EPS15L1: variants seen among roughly 807,000 people sequenced by gnomAD.
EPS15L1 encodes epidermal growth factor receptor pathway substrate 15 like 1, also known as epidermal growth factor receptor substrate 15-like 1.
EPS15L1 carries 43 observed loss-of-function variants against 117.1 expected under a neutral mutation model. The observed-to-expected ratio is 0.37, with a 90% CI of 0.29 to 0.47. The LOEUF is 0.47. Ranked by LOEUF, EPS15L1 falls within the 20% of genes least tolerant of loss-of-function variation. The pLI is 0.99. For missense variants in EPS15L1, 981 were observed against 1,164.0 expected (o/e 0.84, Z 2.29); for synonymous variants, 459 against 470.5 (o/e 0.98, Z 0.32).
intron 13 of EPS15L1, among the ~76,000 whole-genome samples, chr19:16,411,449 G>A (rs183993531): frequency 1.3e-5 from 2 of 152,322 alleles, no homozygotes; most frequent in Admixed American, 6.5e-5. Context: ...AGGGCTAGAT[G>A]TTTTTATGGG....
chr19:16,418,173 T>A (rs2092778881), intron 10 of EPS15L1, 69 bp from the exon 11 acceptor site: 1 of 1,512,566 alleles, frequency 6.6e-7, no homozygotes, highest in South Asian at 1.3e-5. Context: ...AAGTCACCGA[T>A]CCCTTGCTTT....
chr19:16,406,452 T>TG (rs1459309541), intron 13 of EPS15L1, among the ~76,000 whole-genome samples: 1 of 152,138 alleles, frequency 6.6e-6, no homozygotes, highest in African/African-American at 2.4e-5. Context: ...AGGTGTCCAG[T>TG]GGGGGGCACA....
In EPS15L1 at chr19:16,381,619, G is replaced by A. The variant is rs545080795; in HGVS notation, c.2247+3510C>T. Among the ~76,000 whole-genome samples, 12 of 152,346 alleles carry A rather than the reference G, an allele frequency of 7.9e-5. No homozygotes were observed. The highest frequency in any genetic ancestry group is 2.4e-4 in the African/African-American group (10 of 41,578). On this transcript the variant is annotated intron_variant, in intron 21 of 23. Transcript: ENST00000455140. The surrounding 1 kb of genome is among the most constrained non-coding windows in gnomAD (Gnocchi z 4.2). ...ACACGACAATGATCACACCAAGTAC[G>A]AAGCTGCGATTGGAATCTGGGAGTG...
intron 9 of EPS15L1, 48 bp from the exon 10 acceptor site, chr19:16,421,524 C>T (rs749829046): frequency 1.9e-6 from 3 of 1,569,364 alleles, no homozygotes; most frequent in Admixed American, 3.5e-5. Context: ...TTTTTATGAC[C>T]CCCAGACACA....
intron 22 of EPS15L1, among the ~76,000 whole-genome samples, chr19:16,363,986 G>T (rs1450793879): frequency 6.6e-6 from 1 of 152,224 alleles, no homozygotes; most frequent in East Asian, 1.9e-4. Flanking sequence ...GTCCCACAGG[G>T]TTCCACCGGG....
In EPS15L1 at chr19:16,405,460, A is replaced by C. The variant is rs761196301; in HGVS notation, c.1267-711T>G. Among the ~76,000 whole-genome samples the C allele has an allele frequency of 1.3e-5, 2 of 152,246 alleles. No homozygotes were observed. The highest frequency in any genetic ancestry group is 2.9e-5 in the Non-Finnish European group (2 of 68,040). ...CCCCGTGGGATGGATCCAGATGGTC[A>C]GCCCGAGGCTCCAATGCCCCATGAT... On this transcript the variant is annotated intron_variant, in intron 13 of 23. Transcript: ENST00000455140. The surrounding 1 kb of genome is among the most constrained non-coding windows in gnomAD (Gnocchi z 4.0).
chr19:16,385,594 G>A (rs1209857524), intron 20 of EPS15L1, among the ~76,000 whole-genome samples: 2 of 152,164 alleles, frequency 1.3e-5, no homozygotes, highest in Non-Finnish European at 2.9e-5. Context: ...GGTTTTTGCT[G>A]TGTTTTCTCC....
At chr19:16,363,528 CT>C (rs2092088865) in intron 22 of EPS15L1, among the ~76,000 whole-genome samples, 1 of 152,224 alleles carries the variant, frequency 6.6e-6, no homozygotes, top group Non-Finnish European at 1.5e-5. Flanking sequence ...CATCCCAGGC[CT>C]CATTTTTGAG....
intron 23 of EPS15L1, 62 bp downstream of exon 23, chr19:16,361,717 A>T (rs967789299): frequency 5.2e-6 from 8 of 1,530,636 alleles, no homozygotes; most frequent in Non-Finnish European, 7.0e-6. Context: ...GGAGACAAAA[A>T]TCCCAGGGAA....
At chr19:16,452,805 TA>T (rs2093159212) in intron 1 of EPS15L1, among the ~76,000 whole-genome samples, 1 of 152,036 alleles carries the variant, frequency 6.6e-6, no homozygotes, top group Non-Finnish European at 1.5e-5. Flanking sequence ...TTTATTTTTT[TA>T]TTTTTTTTGA....
Position 16,404,500 on chromosome 19 carries a change from G to T in EPS15L1, c.1428+88C>A. On this transcript the variant is annotated intron_variant, in intron 14 of 23. Coordinates refer to ENST00000455140, the MANE Select transcript of EPS15L1 (RefSeq NM_001258374.3). The surrounding 1 kb of genome is among the most constrained non-coding windows in gnomAD (Gnocchi z 4.2). ...TGACCCAGTAGGATGTCTAAGTGTT[G>T]TGTTCCCAGGTAACACGAGCTCAGG... 7.0e-7 allele frequency: 1 copy of T among 1,432,764 alleles called. No individual in the cohort carries two copies. Among genetic ancestry groups the T allele is most frequent in the Non-Finnish European group, 9.6e-7 (1 of 1,037,348 alleles). 88.8% of individuals were successfully genotyped at this position (1,432,764 alleles called of 1,614,324 possible).
At chr19:16,359,582 C>T (rs187631204) in intron 23 of EPS15L1, among the ~76,000 whole-genome samples, 27 of 152,260 alleles carry the variant, frequency 1.8e-4, no homozygotes, top group Admixed American at 1.5e-3. Flanking sequence ...GAAAACAGGC[C>T]GGGCACAGGG....
At chr19:16,452,447 GA>G (rs571611674) in intron 1 of EPS15L1, among the ~76,000 whole-genome samples, 68 of 119,782 alleles carry the variant, frequency 5.7e-4, no homozygotes, top group South Asian at 7.9e-4. Flanking sequence ...ATTCCATCTC[GA>G]AAAAAAAAAA....
chr19:16,417,563 G>A lies in EPS15L1; in HGVS notation c.1182C>T (p.Ala394=). 6.2e-7 allele frequency: 1 copy of A among 1,613,858 alleles called. No individual in the cohort carries two copies. The highest frequency in any genetic ancestry group is 8.5e-7 in the Non-Finnish European group (1 of 1,179,802). ...KELDDISQEI[A]QLQREKYSLE... ...CGTTTCCAACATACCTTTGTAACTG[G>A]GCAATCTCTTGACTGATGTCATCAA... Residue 394 remains alanine, a synonymous_variant, in exon 12 of 24, where the codon GCC becomes GCT. Transcript: ENST00000455140.
At chr19:16,387,031 A>G (rs886404381) in intron 19 of EPS15L1, among the ~76,000 whole-genome samples, 2 of 152,260 alleles carry the variant, frequency 1.3e-5, no homozygotes, top group South Asian at 4.1e-4. Flanking sequence ...GCCAATCTCA[A>G]AATAACCCAG....
intron 16 of EPS15L1, chr19:16,401,334 G>A: frequency 1.0e-6 from 1 of 970,766 alleles, no homozygotes; most frequent in Non-Finnish European, 1.2e-6. Flanking sequence ...AACACATCAA[G>A]CATTGAACAT....
chr19:16,392,167 C>A, intron 19 of EPS15L1, 137 bp downstream of exon 19: 2 of 961,346 alleles, frequency 2.1e-6, no homozygotes, highest in Non-Finnish European at 3.1e-6. Context: ...ATACCAGCTC[C>A]CGGAGAACAG....
intron 18 of EPS15L1, among the ~76,000 whole-genome samples, chr19:16,393,505 C>T (rs563006459): frequency 1.2e-3 from 183 of 151,410 alleles, no homozygotes; most frequent in African/African-American, 4.3e-3. Context: ...AAAAATTAGC[C>T]GGGCGTGGTA....
At chr19:16,425,510 A>G (rs1012565227) in intron 8 of EPS15L1, among the ~76,000 whole-genome samples, 194 bp from the exon 9 acceptor site, 2 of 152,230 alleles carry the variant, frequency 1.3e-5, no homozygotes, top group Non-Finnish European at 2.9e-5. Flanking sequence ...CATGTGTTGA[A>G]TTATTCCTCG....
Sources: gnomAD v4.1 joint callset for allele counts (sites outside exome capture counted in the v4.1 genomes callset) on GRCh38, gnomAD v4.1.1 for gene constraint, Gnocchi (gnomAD v3.1) non-coding constraint, MANE v1.5 for transcripts, NCBI Gene and HGNC (gene_info 2026-07-23, HGNC 2026-07-21) for gene names.